Variants in PCDH15 observed in about 807,000 individuals in gnomAD.
The protein encoded by PCDH15 is protocadherin related 15.
Under a neutral mutation model 178.5 loss-of-function variants are expected in PCDH15, and 129 were observed. That is an observed-to-expected ratio of 0.72 (90% confidence interval 0.63 to 0.84). The LOEUF (loss-of-function observed/expected upper bound fraction) is 0.84, where lower values mean the gene tolerates loss of function less well. Ranked by LOEUF, PCDH15 falls within the 40% of genes least tolerant of loss-of-function variation. The probability of loss-of-function intolerance (pLI) is 0.00; values close to 1 mark genes in which losing one functional copy is unlikely to be tolerated. For missense variants in PCDH15, 2,230 were observed against 2,099.9 expected, an observed-to-expected ratio of 1.06 and a Z score of -1.21; for synonymous variants, 800 against 732.0, an observed-to-expected ratio of 1.09 and a Z score of -1.50.
intron 8 of PCDH15, among the ~76,000 whole-genome samples, chr10:54,312,645 C>T (rs2060982248): frequency 6.6e-6 from 1 of 152,102 alleles, no homozygotes; most frequent in Non-Finnish European, 1.5e-5. Flanking sequence ...AAGCCTCAGT[C>T]TTCAATCCTG....
intron 2 of PCDH15, among the ~76,000 whole-genome samples, chr10:54,955,416 T>C (rs1838459827): frequency 6.6e-6 from 1 of 151,334 alleles, no homozygotes; most frequent in Non-Finnish European, 1.5e-5. Flanking sequence ...CTCCAAATGG[T>C]GATTGTTTTG....
In PCDH15 at chr10:54,589,194, A is replaced by G. The variant is rs527722648; in HGVS notation, c.92-61317T>C. On this transcript the variant is annotated intron_variant, in intron 2 of 37. Coordinates refer to ENST00000644397, the MANE Select transcript of PCDH15 (RefSeq NM_001384140.1). ...AAGATCCCACCTTCCATTTCTCTCT[A>G]TCTCATCTCCTAGCAATCTACCCTT... Among the ~76,000 whole-genome samples, 12 of 152,028 alleles carry G rather than the reference A, an allele frequency of 7.9e-5. No homozygotes were observed. The South Asian group carries it at 2.3e-3, about 29-fold the overall frequency.
chr10:54,756,097 A>ACACACACACACAC (rs1555182911), intron 1 of PCDH15, among the ~76,000 whole-genome samples: 11 of 144,488 alleles, frequency 7.6e-5, no homozygotes, highest in South Asian at 4.5e-4. Flanking sequence ...ACACACACAC[A>ACACACACACACAC]AAATTAGCTG....
intron 2 of PCDH15, among the ~76,000 whole-genome samples, chr10:55,328,840 A>C (rs1022455129): frequency 1.3e-5 from 2 of 148,384 alleles, no homozygotes; most frequent in Admixed American, 6.8e-5. Flanking sequence ...CTTTATATGA[A>C]GTTCTTGAGC....
chr10:54,086,307 C>T lies in PCDH15; in HGVS notation c.1997+3677G>A, dbSNP rs573221924. 3.9e-5 allele frequency among the ~76,000 whole-genome samples: 6 copies of T among 152,118 alleles called. No homozygotes were observed. In the South Asian group the frequency reaches 8.3e-4, roughly 21 times the overall value. ...TTTTTACAACCATTTGTTGTGGGAACTAATAAAGCAAGAACTCATTCATTA... is the reference window on the plus strand; with the variant it reads ...TTTTTACAACCATTTGTTGTGGGAATTAATAAAGCAAGAACTCATTCATTA... On this transcript the variant is annotated intron_variant, in intron 16 of 37. Transcript: ENST00000644397.
chr10:55,399,941 A>G (rs1838024184), intron 2 of PCDH15, among the ~76,000 whole-genome samples: 1 of 152,088 alleles, frequency 6.6e-6, no homozygotes, highest in Admixed American at 6.6e-5. Flanking sequence ...TGAGTTTCTG[A>G]TCCTTCCTTA....
rs149206373 is a variant in PCDH15, at chr10:54,566,038, C to T, written c.92-38161G>A. Among the ~76,000 whole-genome samples the T allele has an allele frequency of 3.9e-3, 596 of 152,198 alleles. 5 individuals are homozygous for T. The highest frequency in any genetic ancestry group is 0.01 in the African/African-American group (423 of 41,522). On this transcript the variant is annotated intron_variant, in intron 2 of 37. Coordinates refer to ENST00000644397, the MANE Select transcript of PCDH15 (RefSeq NM_001384140.1). ...AGCGGAGTTTGCAGCGAGCTGAGAT[C>T]GTGCCATTTCACTCCAGCCTGGGCA...
chr10:54,731,559 T>TAC (rs1329721840), intron 1 of PCDH15, among the ~76,000 whole-genome samples: 1 of 50,618 alleles, frequency 2.0e-5, no homozygotes, highest in South Asian at 7.9e-4. Context: ...TATATATATA[T>TAC]ATATACACAC....
At chr10:54,498,545 A>G (rs964821088) in intron 3 of PCDH15, among the ~76,000 whole-genome samples, 1 of 152,194 alleles carries the variant, frequency 6.6e-6, no homozygotes, top group Non-Finnish European at 1.5e-5. Context: ...CAACAGAACC[A>G]TCTAACATGC....
chr10:54,841,995 T>G (rs952337098), intron 3 of PCDH15, among the ~76,000 whole-genome samples: 1 of 151,900 alleles, frequency 6.6e-6, no homozygotes, highest in African/African-American at 2.4e-5. Context: ...ACATATGCTA[T>G]TTTCCAGGGG....
intron 20 of PCDH15, among the ~76,000 whole-genome samples, chr10:54,018,798 G>A (rs2092821184): frequency 6.6e-6 from 1 of 151,658 alleles, no homozygotes. Context: ...TTCTATCTAA[G>A]CCCATAGATT....
chr10:55,490,388 C>T lies in PCDH15; in HGVS notation c.-156+137237G>A, dbSNP rs116915973. ...GTTGAGTAACAATCTGCACACAAAACTCCATGAGTCTGGGCAAGGAACAAT... is the reference window on the plus strand; with the variant it reads ...GTTGAGTAACAATCTGCACACAAAATTCCATGAGTCTGGGCAAGGAACAAT... On this transcript the variant is annotated intron_variant, in intron 2 of 5. Transcript: ENST00000613346. Among the ~76,000 whole-genome samples, 60 of 151,890 alleles carry T rather than the reference C, an allele frequency of 4.0e-4. No individual in the cohort carries two copies. In the East Asian group the frequency reaches 0.011, roughly 28 times the overall value.
At chr10:55,112,895 T>C (rs1837543716) in intron 2 of PCDH15, among the ~76,000 whole-genome samples, 1 of 152,202 alleles carries the variant, frequency 6.6e-6, no homozygotes, top group African/African-American at 2.4e-5. Context: ...AAACTCATGC[T>C]GATCTCATGT....
chr10:54,126,494 T>A (rs2042001458), intron 15 of PCDH15, among the ~76,000 whole-genome samples: 1 of 152,146 alleles, frequency 6.6e-6, no homozygotes, highest in Non-Finnish European at 1.5e-5. Context: ...CCCATTATTT[T>A]AATAAATATT....
intron 2 of PCDH15, among the ~76,000 whole-genome samples, chr10:55,385,405 C>G (rs1837630975): frequency 6.6e-6 from 1 of 151,958 alleles, no homozygotes; most frequent in Admixed American, 6.6e-5. Context: ...TTCTTGATGA[C>G]TCCAATATCA....
At chr10:53,991,067 T>C (rs2091441809) in intron 21 of PCDH15, among the ~76,000 whole-genome samples, 2 of 152,086 alleles carry the variant, frequency 1.3e-5, no homozygotes, top group Non-Finnish European at 2.9e-5. Context: ...GCTTGGGACC[T>C]GCAGCCCGCC....
At chr10:55,111,484 C>T (rs1380678937) in intron 2 of PCDH15, among the ~76,000 whole-genome samples, 1 of 151,924 alleles carries the variant, frequency 6.6e-6, no homozygotes, top group Non-Finnish European at 1.5e-5. Flanking sequence ...TTAATTTAAT[C>T]CTTTACTATT....
chr10:55,545,850 C>G (rs1334385360), intron 2 of PCDH15, among the ~76,000 whole-genome samples: 1 of 151,782 alleles, frequency 6.6e-6, no homozygotes, highest in African/African-American at 2.4e-5. Flanking sequence ...TATCTGTCTC[C>G]CTCACCTTCT....
intron 8 of PCDH15, among the ~76,000 whole-genome samples, chr10:54,266,126 A>C (rs1218163928): frequency 6.9e-6 from 1 of 144,676 alleles, no homozygotes; most frequent in Non-Finnish European, 1.5e-5. Context: ...TAGCAAGAGG[A>C]ACTCTAAAAC....
Sources: allele counts gnomAD v4.1 joint callset (sites outside exome capture counted in the v4.1 genomes callset), GRCh38; gene constraint gnomAD v4.1.1; transcripts MANE v1.5; gene names NCBI Gene and HGNC (gene_info 2026-07-23, HGNC 2026-07-21).